CTNNA3: variants seen among roughly 807,000 people sequenced by gnomAD.
CTNNA3 encodes catenin alpha 3.
Under a neutral mutation model 95.7 loss-of-function variants are expected in CTNNA3, and 76 were observed. The observed-to-expected ratio is 0.79, with a 90% CI of 0.66 to 0.96. The LOEUF is 0.96. CTNNA3 is among the 40% of genes least tolerant of loss of function. The probability of loss-of-function intolerance (pLI) is 0.00; values close to 1 mark genes in which losing one functional copy is unlikely to be tolerated. For missense variants in CTNNA3, 1,191 were observed against 1,089.8 expected, an observed-to-expected ratio of 1.09 and a Z score of -1.31; for synonymous variants, 431 against 374.4, an observed-to-expected ratio of 1.15 and a Z score of -1.74.
intron 9 of CTNNA3, among the ~76,000 whole-genome samples, chr10:66,672,478 T>C (rs2394284): frequency 0.55 from 84,061 of 151,898 alleles, 23,992 homozygotes; most frequent in African/African-American, 0.68. Context: ...GAAAATGGTA[T>C]CATGAGATGT....
chr10:67,720,862 G>A (rs767518981), intron 1 of CTNNA3, among the ~76,000 whole-genome samples: 1 of 152,146 alleles, frequency 6.6e-6, no homozygotes, highest in Non-Finnish European at 1.5e-5. Flanking sequence ...GCTGAGGCAG[G>A]AGAATTGCTT....
intron 10 of CTNNA3, among the ~76,000 whole-genome samples, chr10:66,602,857 TC>T (rs1843979987): frequency 6.6e-6 from 1 of 152,088 alleles, no homozygotes; most frequent in African/African-American, 2.4e-5. Context: ...TATGATCCTT[TC>T]AATAGATACT....
At chr10:66,717,311 C>G (rs4745917) in intron 9 of CTNNA3, among the ~76,000 whole-genome samples, 3,635 of 152,218 alleles carry the variant, frequency 0.024, 183 homozygotes, top group East Asian at 0.22. Flanking sequence ...TCCCCAAAGG[C>G]AGATAAAGAA....
chr10:67,457,271 G>T (rs1251904418), intron 5 of CTNNA3, among the ~76,000 whole-genome samples: 1 of 152,082 alleles, frequency 6.6e-6, no homozygotes, highest in Non-Finnish European at 1.5e-5. Context: ...AACCAAGCAA[G>T]GCACTCAGCT....
intron 13 of CTNNA3, among the ~76,000 whole-genome samples, chr10:66,128,294 C>A (rs1207987011): frequency 6.6e-6 from 1 of 152,026 alleles, no homozygotes; most frequent in African/African-American, 2.4e-5. Flanking sequence ...AGCTAAATTT[C>A]TCTGAGAAAA....
intron 10 of CTNNA3, among the ~76,000 whole-genome samples, chr10:66,555,387 T>C: frequency 6.6e-6 from 1 of 152,126 alleles, no homozygotes; most frequent in East Asian, 1.9e-4. Context: ...CCAGTTACGT[T>C]TACACTTAAG....
At chr10:66,088,228 A>C (rs1235397270) in intron 14 of CTNNA3, among the ~76,000 whole-genome samples, 1 of 152,022 alleles carries the variant, frequency 6.6e-6, no homozygotes, top group Non-Finnish European at 1.5e-5. Context: ...AAGATTTTGA[A>C]AGCAATATTT....
intron 13 of CTNNA3, among the ~76,000 whole-genome samples, chr10:66,182,407 C>CA (rs1426397861): frequency 6.6e-6 from 1 of 152,140 alleles, no homozygotes; most frequent in East Asian, 1.9e-4. Flanking sequence ...AGGCGCCCGC[C>CA]ACCACGCCTA....
At chr10:67,109,999 G>T (rs1417065655) in intron 7 of CTNNA3, among the ~76,000 whole-genome samples, 2 of 152,180 alleles carry the variant, frequency 1.3e-5, no homozygotes, top group Admixed American at 6.5e-5. Context: ...ATTATGAAGA[G>T]TGTGCAGTAT....
At chr10:67,745,001 A>C (rs1057069830) in intron 1 of CTNNA3, among the ~76,000 whole-genome samples, 2 of 152,100 alleles carry the variant, frequency 1.3e-5, no homozygotes, top group African/African-American at 4.8e-5. Flanking sequence ...TTAAAAAGTC[A>C]GGAAACAACA....
chr10:67,197,865 T>C (rs921553023), intron 6 of CTNNA3, among the ~76,000 whole-genome samples: 5 of 152,174 alleles, frequency 3.3e-5, no homozygotes, highest in African/African-American at 1.2e-4. Context: ...TTAGGACGTA[T>C]TAGCCTATAA....
chr10:66,338,843 T>C (rs1199623745), intron 12 of CTNNA3, among the ~76,000 whole-genome samples: 1 of 151,858 alleles, frequency 6.6e-6, no homozygotes, highest in Non-Finnish European at 1.5e-5. Flanking sequence ...TGAAAATTTA[T>C]CCTAAGGAAA....
intron 6 of CTNNA3, among the ~76,000 whole-genome samples, chr10:67,215,415 A>C (rs1864311788): frequency 6.6e-6 from 1 of 152,110 alleles, no homozygotes; most frequent in Non-Finnish European, 1.5e-5. Context: ...TCTTGTGAAA[A>C]CCATCTTCCT....
At chr10:66,949,386 G>A (rs974885347) in intron 7 of CTNNA3, among the ~76,000 whole-genome samples, 4 of 151,914 alleles carry the variant, frequency 2.6e-5, no homozygotes, top group African/African-American at 4.8e-5. Flanking sequence ...GAGAAACCCC[G>A]TCTCTACTAA....
At chr10:67,034,922 T>TCTTCTGGC (rs1177329028) in intron 7 of CTNNA3, among the ~76,000 whole-genome samples, 1 of 152,216 alleles carries the variant, frequency 6.6e-6, no homozygotes, top group Non-Finnish European at 1.5e-5. Context: ...CAATGCTATT[T>TCTTCTGGC]CTTCTGGCCT....
At chr10:67,257,047 G>T (rs12218341) in intron 5 of CTNNA3, among the ~76,000 whole-genome samples, 1 of 152,088 alleles carries the variant, frequency 6.6e-6, no homozygotes, top group Non-Finnish European at 1.5e-5. Flanking sequence ...AACATTTCAC[G>T]AGTTTCCAGC....
At chr10:66,039,314 G>A (rs1339771964) in intron 15 of CTNNA3, among the ~76,000 whole-genome samples, 3 of 152,150 alleles carry the variant, frequency 2.0e-5, no homozygotes, top group Non-Finnish European at 2.9e-5. Flanking sequence ...CATACTGGCC[G>A]AAGCAATTTA....
chr10:67,318,543 T>C (rs1467434414), intron 5 of CTNNA3, among the ~76,000 whole-genome samples: 2 of 152,240 alleles, frequency 1.3e-5, no homozygotes, highest in Non-Finnish European at 2.9e-5. Context: ...CCATATGGTA[T>C]AGCCAGCAGT....
intron 9 of CTNNA3, among the ~76,000 whole-genome samples, chr10:66,623,125 C>T (rs1251635070): frequency 6.6e-6 from 1 of 152,020 alleles, no homozygotes; most frequent in Non-Finnish European, 1.5e-5. Flanking sequence ...TTCTGTGCCC[C>T]TTTCCACTCC....
Sources: allele counts gnomAD v4.1 joint callset (sites outside exome capture counted in the v4.1 genomes callset), GRCh38; gene constraint gnomAD v4.1.1; transcripts MANE v1.5; gene names NCBI Gene and HGNC (gene_info 2026-07-23, HGNC 2026-07-21).